ADH7: variants seen among roughly 807,000 people sequenced by gnomAD.
ADH7 encodes the protein alcohol dehydrogenase 7 (class IV), mu or sigma polypeptide.
Under a neutral mutation model 34.4 loss-of-function variants are expected in ADH7, and 41 were observed. That is an observed-to-expected ratio of 1.19 (90% confidence interval 0.93 to 1.55). The LOEUF (loss-of-function observed/expected upper bound fraction) is 1.55, where lower values mean the gene tolerates loss of function less well. ADH7 is among the 40% of genes most tolerant of loss of function. ADH7 has a pLI of 0.00. For missense variants in ADH7, 540 were observed against 461.2 expected (o/e 1.17, Z -1.56); for synonymous variants, 180 against 160.9 (o/e 1.12, Z -0.90).
intron 5 of ADH7, among the ~76,000 whole-genome samples, chr4:99,425,326 A>G (rs533821571): frequency 5.2e-4 from 79 of 152,322 alleles, no homozygotes; most frequent in African/African-American, 1.8e-3. Flanking sequence ...TCTCACGTGC[A>G]GAGACACACA....
intron 8 of ADH7, among the ~76,000 whole-genome samples, chr4:99,413,878 A>G (rs1237468567): frequency 6.6e-6 from 1 of 152,202 alleles, no homozygotes; most frequent in Non-Finnish European, 1.5e-5. Flanking sequence ...CAAGAGTGAA[A>G]AAGAAGTCAG....
intron 5 of ADH7, among the ~76,000 whole-genome samples, chr4:99,426,042 TG>T (rs1721797062): frequency 6.6e-6 from 1 of 152,196 alleles, no homozygotes; most frequent in African/African-American, 2.4e-5. Flanking sequence ...CGAGAATCTC[TG>T]GGACACATTC....
In ADH7 at chr4:99,428,483, T is replaced by G. The variant is rs889785426; in HGVS notation, c.259+9A>C. 43 of 1,606,550 alleles carry G rather than the reference T, an allele frequency of 2.7e-5. No homozygotes were observed. The highest frequency in any genetic ancestry group is 3.3e-5 in the Non-Finnish European group (39 of 1,178,030). ...TATTTCAAACTTGTGGTTTGACACC[T>G]GCATATACCTGGTTTCACTGTAGTC... On this transcript the variant is annotated intron_variant, in intron 3 of 8. Coordinates refer to ENST00000437033, the MANE Select transcript of ADH7 (RefSeq NM_000673.7).
intron 5 of ADH7, 75 bp downstream of exon 5, chr4:99,427,698 A>G: frequency 8.6e-7 from 1 of 1,164,240 alleles, no homozygotes. Flanking sequence ...TTTTTCCAAA[A>G]CTCTTCAAGA....
chr4:99,432,419 C>A (rs1319583461), intron 1 of ADH7, among the ~76,000 whole-genome samples: 1 of 152,052 alleles, frequency 6.6e-6, no homozygotes, highest in Non-Finnish European at 1.5e-5. Context: ...CCATGATACA[C>A]AATTTGCCTA....
intron 1 of ADH7, 36 bp downstream of exon 1, chr4:99,435,180 G>T (rs1154470): frequency 6.2e-7 from 1 of 1,605,200 alleles, no homozygotes. Context: ...ACATCATTAG[G>T]TCATGATGAG....
At chr4:99,429,454 T>C in intron 2 of ADH7, 78 bp downstream of exon 2, 1 of 1,006,724 alleles carries the variant, frequency 9.9e-7, no homozygotes, top group Non-Finnish European at 1.5e-6. Context: ...TATTTAAGAA[T>C]CCAGCCTCAC....
intron 6 of ADH7, 62 bp from the exon 7 acceptor site, chr4:99,419,183 T>A (rs1311834068): frequency 4.5e-6 from 7 of 1,557,828 alleles, no homozygotes; most frequent in Non-Finnish European, 6.1e-6. Flanking sequence ...ACATAAGCTC[T>A]GAAATGACCT....
chr4:99,428,364 C>T, intron 3 of ADH7, 128 bp downstream of exon 3: 1 of 1,336,720 alleles, frequency 7.5e-7, no homozygotes, highest in Non-Finnish European at 1.0e-6. Flanking sequence ...AAAATCCATT[C>T]TTGTATCCTT....
At chr4:99,432,843 TAAAA>T (rs201683047) in intron 1 of ADH7, 1 of 150,724 alleles carries the variant, frequency 6.6e-6, no homozygotes, top group East Asian at 1.9e-4. Context: ...TGTAATGAAT[TAAAA>T]AAAAAAATTT....
At chr4:99,425,636 C>T (rs1721782861) in intron 5 of ADH7, among the ~76,000 whole-genome samples, 1 of 152,118 alleles carries the variant, frequency 6.6e-6, no homozygotes, top group Non-Finnish European at 1.5e-5. Context: ...CCACTGTCAA[C>T]ATTAGACAGA....
chr4:99,426,257 T>C (rs1232499688), intron 5 of ADH7, among the ~76,000 whole-genome samples: 1 of 151,934 alleles, frequency 6.6e-6, no homozygotes, highest in African/African-American at 2.4e-5. Context: ...TTCAAAAAAT[T>C]AATGAATCAT....
chr4:99,424,417 A>C (rs1420264720), intron 5 of ADH7, among the ~76,000 whole-genome samples: 1 of 152,216 alleles, frequency 6.6e-6, no homozygotes. Flanking sequence ...TCTGTGAAGA[A>C]AGTCATTGGT....
At chr4:99,423,436 C>T (rs1329200392) in intron 5 of ADH7, among the ~76,000 whole-genome samples, 2 of 151,750 alleles carry the variant, frequency 1.3e-5, no homozygotes, top group Non-Finnish European at 2.9e-5. Context: ...AGCTCTAGAT[C>T]CCTGAGGAAT....
chr4:99,427,712 C>A, intron 5 of ADH7, 61 bp downstream of exon 5: 1 of 1,245,900 alleles, frequency 8.0e-7, no homozygotes, highest in Non-Finnish European at 1.1e-6. Flanking sequence ...TTCAAGATTC[C>A]AAGCAAATCA....
intron 7 of ADH7, among the ~76,000 whole-genome samples, chr4:99,417,576 C>A (rs1422404930): frequency 6.6e-6 from 1 of 152,116 alleles, no homozygotes; most frequent in African/African-American, 2.4e-5. Flanking sequence ...GCACTTGTAA[C>A]CTTATGGTAT....
chr4:99,419,607 G>A (rs1721602899), intron 6 of ADH7, among the ~76,000 whole-genome samples: 1 of 152,054 alleles, frequency 6.6e-6, no homozygotes, highest in African/African-American at 2.4e-5. Context: ...AACCCATCCA[G>A]TTATTAAGCA....
rs891745700 is a variant in ADH7 at position 99,435,198 on chromosome 4, C to A, written c.18+18G>T. On this transcript the variant is annotated intron_variant, in intron 1 of 8. Coordinates refer to ENST00000437033, the MANE Select transcript of ADH7 (RefSeq NM_000673.7). Reference sequence around the variant, plus strand: ...TCATTAGGTCATGATGAGGAGGGGACAGAAATGTTCCACTTACTTTTCCAG... The same window carrying A: ...TCATTAGGTCATGATGAGGAGGGGAAAGAAATGTTCCACTTACTTTTCCAG... 6 of 1,611,912 alleles carry A rather than the reference C, an allele frequency of 3.7e-6. No individual in the cohort carries two copies. Among genetic ancestry groups the A allele is most frequent in the African/African-American group, 1.3e-5 (1 of 74,884 alleles).
rs775204347 is a variant in ADH7 at position 99,419,001 on chromosome 4, C to T, written c.946G>A (p.Gly316Arg). 2 of 1,613,678 alleles carry T rather than the reference C, an allele frequency of 1.2e-6. No homozygotes were observed. Among genetic ancestry groups the T allele is most frequent in the Admixed American group, 1.7e-5 (1 of 59,938 alleles). ...MLLFTGRTWKGCVFGGLKSRD... is the reference protein window; with the variant it reads ...MLLFTGRTWKRCVFGGLKSRD... The stretch of plus-strand genomic sequence containing the variant: ...CTTTCCTGACCTCCAAAGACACATC[C>T]CTTCCATGTGCGTCCAGTGAAGAGC... Residue 316 changes from glycine (G) to arginine (R), a missense_variant, in exon 7 of 9, where the codon GGA (glycine) becomes AGA (arginine). Transcript: ENST00000437033.
Sources: allele counts gnomAD v4.1 joint callset (sites outside exome capture counted in the v4.1 genomes callset), GRCh38; gene constraint gnomAD v4.1.1; transcripts MANE v1.5; gene names NCBI Gene and HGNC (gene_info 2026-07-23, HGNC 2026-07-21).